NALF1: variants seen among roughly 807,000 people sequenced by gnomAD.
NALF1 encodes NALCN channel auxiliary factor 1, also known as family with sequence similarity 155 member A.
Under a neutral mutation model 48.4 loss-of-function variants are expected in NALF1, and 3 were observed. The ratio of observed to expected loss-of-function variants is 0.06; its 90% CI spans 0.03 to 0.16. The LOEUF is 0.16. Among genes scored for constraint, NALF1 ranks in the 10% least tolerant of loss-of-function variants. NALF1 has a pLI of 1.00. For synonymous variants in NALF1, 262 were observed against 245.7 expected, an observed-to-expected ratio of 1.07 and a Z score of -0.62; for missense variants, 526 against 571.5, an observed-to-expected ratio of 0.92 and a Z score of 0.81.
At chr13:107,274,818 G>C (rs1235857551) in intron 1 of NALF1, among the ~76,000 whole-genome samples, 1 of 152,136 alleles carries the variant, frequency 6.6e-6, no homozygotes, top group Non-Finnish European at 1.5e-5. Flanking sequence ...AGGGAGATCA[G>C]TAAGCAAACT....
At chr13:107,639,210 T>G (rs1049165749) in intron 1 of NALF1, among the ~76,000 whole-genome samples, 12 of 152,302 alleles carry the variant, frequency 7.9e-5, no homozygotes, top group African/African-American at 2.4e-4. Context: ...TCAACTGACT[T>G]GCAAGGCAAA....
chr13:107,801,719 A>G (rs7321729), intron 1 of NALF1, among the ~76,000 whole-genome samples: 7,050 of 152,256 alleles, frequency 0.046, 309 homozygotes, highest in African/African-American at 0.12. Context: ...TATCCTAATT[A>G]ACATTGATAG....
intron 1 of NALF1, among the ~76,000 whole-genome samples, chr13:107,602,351 A>C (rs1878953220): frequency 6.6e-6 from 1 of 152,204 alleles, no homozygotes; most frequent in South Asian, 2.1e-4. Flanking sequence ...TGCCTGTTAT[A>C]ATGTAAGGCA....
chr13:107,864,375 G>T (rs559628375), intron 1 of NALF1, among the ~76,000 whole-genome samples: 28 of 152,244 alleles, frequency 1.8e-4, no homozygotes, highest in Non-Finnish European at 3.4e-4. Context: ...AGTAAAATAT[G>T]GCCTTTCGAC....
chr13:107,646,380 G>A (rs912037163), intron 1 of NALF1, among the ~76,000 whole-genome samples: 1 of 151,218 alleles, frequency 6.6e-6, no homozygotes, highest in African/African-American at 2.4e-5. Flanking sequence ...TCTTCCAAAT[G>A]ATGCAGTGAA....
intron 1 of NALF1, among the ~76,000 whole-genome samples, chr13:107,479,513 G>A (rs1180540137): frequency 6.6e-6 from 1 of 151,808 alleles, no homozygotes; most frequent in Admixed American, 6.6e-5. Flanking sequence ...TTTGTTGCTG[G>A]CACATAACCT....
At chr13:107,432,570 T>C (rs547658309) in intron 1 of NALF1, among the ~76,000 whole-genome samples, 1 of 152,108 alleles carries the variant, frequency 6.6e-6, no homozygotes, top group Non-Finnish European at 1.5e-5. Context: ...ATTCAAGAAG[T>C]AGAATGTCTG....
intron 1 of NALF1, among the ~76,000 whole-genome samples, chr13:107,351,084 C>T (rs572652206): frequency 1.3e-5 from 2 of 152,134 alleles, no homozygotes; most frequent in Admixed American, 6.5e-5. Context: ...TATCAGTGGC[C>T]GGTAAACCTT....
At chr13:107,694,247 C>G (rs151336749) in intron 1 of NALF1, among the ~76,000 whole-genome samples, 1 of 152,138 alleles carries the variant, frequency 6.6e-6, no homozygotes, top group African/African-American at 2.4e-5. Context: ...GTTTTCAAAT[C>G]AATTGGCAAG....
intron 1 of NALF1, among the ~76,000 whole-genome samples, chr13:107,254,891 A>T (rs9520347): frequency 0.14 from 21,200 of 152,248 alleles, 1,625 homozygotes; most frequent in Non-Finnish European, 0.17. Flanking sequence ...ACTCAAGGAA[A>T]ACACACAGTA....
intron 1 of NALF1, among the ~76,000 whole-genome samples, chr13:107,523,294 G>T (rs1344249888): frequency 6.6e-6 from 1 of 152,164 alleles, no homozygotes; most frequent in Non-Finnish European, 1.5e-5. Flanking sequence ...AGGTGGCATA[G>T]TTTAATGTTC....
intron 1 of NALF1, among the ~76,000 whole-genome samples, chr13:107,379,434 C>G (rs191594314): frequency 7.7e-4 from 118 of 152,280 alleles, no homozygotes; most frequent in Non-Finnish European, 1.5e-3. Flanking sequence ...TGCTAATTTA[C>G]TAATAGGATG....
intron 1 of NALF1, among the ~76,000 whole-genome samples, chr13:107,499,779 CTTTTA>C (rs1193455211): frequency 2.0e-5 from 3 of 152,010 alleles, no homozygotes; most frequent in Admixed American, 2.0e-4. Flanking sequence ...TTCTACATTT[CTTTTA>C]TGAGTACGTA....
At chr13:107,757,417 T>TTC (rs200561279) in intron 1 of NALF1, among the ~76,000 whole-genome samples, 6,936 of 144,702 alleles carry the variant, frequency 0.048, 243 homozygotes, top group African/African-American at 0.095. Flanking sequence ...CCTCATTTCT[T>TTC]TTTTTTTTTT....
intron 1 of NALF1, among the ~76,000 whole-genome samples, chr13:107,494,361 CA>C (rs1192152605): frequency 6.6e-6 from 1 of 152,078 alleles, no homozygotes; most frequent in East Asian, 1.9e-4. Context: ...TGGAACCAGG[CA>C]CTTGCTGACT....
At chr13:107,231,937 T>G (rs1209428718) in intron 1 of NALF1, among the ~76,000 whole-genome samples, 1 of 152,208 alleles carries the variant, frequency 6.6e-6, no homozygotes, top group Non-Finnish European at 1.5e-5. Context: ...TTTAAGCACT[T>G]CTAATCTATT....
chr13:107,321,960 C>A (rs1193948904), intron 1 of NALF1, among the ~76,000 whole-genome samples: 1 of 152,072 alleles, frequency 6.6e-6, no homozygotes, highest in Non-Finnish European at 1.5e-5. Context: ...GGAGCCTTAA[C>A]CCCTTAGTTT....
At chr13:107,762,184 G>A (rs1046563329) in intron 1 of NALF1, among the ~76,000 whole-genome samples, 1 of 151,848 alleles carries the variant, frequency 6.6e-6, no homozygotes, top group Non-Finnish European at 1.5e-5. Flanking sequence ...AGCAAGACTG[G>A]GCGTCCTTTA....
chr13:107,274,028 C>G (rs1881229360), intron 1 of NALF1, among the ~76,000 whole-genome samples: 1 of 86,316 alleles, frequency 1.2e-5, no homozygotes. Context: ...GTCCAGTGAT[C>G]TGTTTTGATT....
Sources: allele counts gnomAD v4.1 joint callset (sites outside exome capture counted in the v4.1 genomes callset), GRCh38; gene constraint gnomAD v4.1.1; transcripts MANE v1.5; gene names NCBI Gene and HGNC (gene_info 2026-07-23, HGNC 2026-07-21).